SMG6: variants seen among roughly 807,000 people sequenced by gnomAD.
SMG6 encodes telomerase-binding protein EST1A.
SMG6 carries 66 observed loss-of-function variants against 142.2 expected under a neutral mutation model. The observed-to-expected ratio is 0.46, with a 90% CI of 0.38 to 0.57. The LOEUF is 0.57. Ranked by LOEUF, SMG6 falls within the 20% of genes least tolerant of loss-of-function variation. SMG6 has a pLI of 0.00. For missense variants in SMG6, 1,793 were observed against 1,832.0 expected, an observed-to-expected ratio of 0.98 and a Z score of 0.39; for synonymous variants, 779 against 702.4, an observed-to-expected ratio of 1.11 and a Z score of -1.72.
intron 13 of SMG6, among the ~76,000 whole-genome samples, chr17:2,131,668 C>CA (rs1303049486): frequency 1.3e-5 from 2 of 152,046 alleles, no homozygotes; most frequent in African/African-American, 2.4e-5. Flanking sequence ...AATTTTTATG[C>CA]AAAGAAAATG....
intron 13 of SMG6, among the ~76,000 whole-genome samples, chr17:2,150,093 G>A (rs2070780961): frequency 6.6e-6 from 1 of 152,214 alleles, no homozygotes; most frequent in Non-Finnish European, 1.5e-5. Context: ...GGGCCGCACA[G>A]CAGGAAGAGA....
At chr17:2,238,389 G>A (rs528636259) in intron 9 of SMG6, among the ~76,000 whole-genome samples, 2 of 151,566 alleles carry the variant, frequency 1.3e-5, no homozygotes, top group East Asian at 1.9e-4. Flanking sequence ...TTTCAGAGCC[G>A]TTAAAACTCT....
intron 4 of SMG6, among the ~76,000 whole-genome samples, chr17:2,295,736 T>C (rs1268506198): frequency 2.0e-5 from 3 of 152,146 alleles, no homozygotes; most frequent in Non-Finnish European, 4.4e-5. Flanking sequence ...CCCAGCTTTC[T>C]CCTGACCTCC....
chr17:2,257,322 G>C (rs2074207244), intron 8 of SMG6, among the ~76,000 whole-genome samples: 1 of 152,044 alleles, frequency 6.6e-6, no homozygotes, highest in Non-Finnish European at 1.5e-5. Flanking sequence ...TTGAGCTCGT[G>C]ATCTGCCCAC....
At chr17:2,183,728 C>A (rs2071876552) in intron 12 of SMG6, among the ~76,000 whole-genome samples, 1 of 149,464 alleles carries the variant, frequency 6.7e-6, no homozygotes, top group South Asian at 2.1e-4. Flanking sequence ...ATGCTGATCC[C>A]TGATACAGGT....
At chr17:2,126,929 TGCACACATGC>T (rs755044130) in intron 13 of SMG6, among the ~76,000 whole-genome samples, 31 of 148,364 alleles carry the variant, frequency 2.1e-4, no homozygotes, top group East Asian at 4.0e-4. Context: ...CAAACATACA[TGCACACATGC>T]GCACACATGC....
chr17:2,297,103 G>T, intron 4 of SMG6, 140 bp downstream of exon 4: 1 of 519,416 alleles, frequency 1.9e-6, no homozygotes, highest in Non-Finnish European at 3.4e-6. Flanking sequence ...ACAATTGTTG[G>T]TTTAATCTAT....
intron 10 of SMG6, among the ~76,000 whole-genome samples, chr17:2,195,351 T>C (rs1023422158): frequency 6.6e-6 from 1 of 152,196 alleles, no homozygotes; most frequent in African/African-American, 2.4e-5. Flanking sequence ...GCCACCTCAA[T>C]GGACAGGGTA....
intron 13 of SMG6, among the ~76,000 whole-genome samples, chr17:2,158,213 C>G (rs1258485820): frequency 1.3e-5 from 2 of 152,178 alleles, no homozygotes; most frequent in African/African-American, 4.8e-5. Context: ...ATTGCTCAAC[C>G]TACACTCATT....
intron 10 of SMG6, chr17:2,233,214 T>C (rs2073549860): frequency 6.6e-6 from 1 of 152,258 alleles, no homozygotes; most frequent in Non-Finnish European, 1.5e-5. Context: ...GTAGAGACTG[T>C]GAGGATCTCA....
intron 13 of SMG6, among the ~76,000 whole-genome samples, chr17:2,164,650 C>G (rs2071278810): frequency 6.6e-6 from 1 of 151,732 alleles, no homozygotes; most frequent in South Asian, 2.1e-4. Context: ...AATAAAAAAA[C>G]AACCAGCCGG....
At chr17:2,259,014 G>A (rs953438174) in intron 8 of SMG6, among the ~76,000 whole-genome samples, 1 of 151,986 alleles carries the variant, frequency 6.6e-6, no homozygotes, top group Non-Finnish European at 1.5e-5. Flanking sequence ...GGAAGCGGAA[G>A]TTGCAGTGAG....
intron 10 of SMG6, among the ~76,000 whole-genome samples, chr17:2,197,872 G>A (rs1008816044): frequency 6.6e-6 from 1 of 152,180 alleles, no homozygotes; most frequent in Non-Finnish European, 1.5e-5. Flanking sequence ...TCACATGTAC[G>A]TTGCTGATGG....
chr17:2,209,000 T>C (rs753526688), intron 10 of SMG6, among the ~76,000 whole-genome samples: 1 of 151,954 alleles, frequency 6.6e-6, no homozygotes, highest in South Asian at 2.1e-4. Context: ...GGCAACAAAG[T>C]GAGACTCCAT....
chr17:2,161,637 G>C (rs930238995), intron 13 of SMG6, among the ~76,000 whole-genome samples: 1 of 150,810 alleles, frequency 6.6e-6, no homozygotes, highest in Non-Finnish European at 1.5e-5. Flanking sequence ...TTTTGCCCTT[G>C]AACACACCTC....
In SMG6 at chr17:2,299,696, T is replaced by A; in HGVS notation, c.1057A>T (p.Thr353Ser). ...AKEYRGTLRV[T>S]FDAEAMNKES... ...TTGTTCATGGCTTCTGCATCGAAAG[T>A]GACACGAAGAGTGCCTCGATATTCT... Residue 353 changes from threonine to serine, a missense_variant, in exon 2 of 19, where the codon ACT becomes TCT. By Grantham distance (58) the Thr-to-Ser change is moderately conservative. Around this residue, in one of 3 missense-constraint regions of SMG6, gnomAD observed 1,597 missense variants for 1,584.6 expected, o/e 1.01. Transcript: ENST00000263073. The surrounding 1 kb of genome is among the most constrained non-coding windows in gnomAD (Gnocchi z 4.3). 9 of 1,614,162 alleles carry A rather than the reference T, an allele frequency of 5.6e-6. No individual in the cohort carries two copies. Among genetic ancestry groups the A allele is most frequent in the Non-Finnish European group, 7.6e-6 (9 of 1,180,026 alleles).
intron 13 of SMG6, among the ~76,000 whole-genome samples, chr17:2,149,571 T>C (rs1248650857): frequency 1.3e-5 from 2 of 152,236 alleles, no homozygotes; most frequent in Admixed American, 6.5e-5. Flanking sequence ...AACGAAGGGC[T>C]GTCCCGTGAC....
At chr17:2,106,635 C>T (rs1014340492) in intron 13 of SMG6, among the ~76,000 whole-genome samples, 10 of 152,044 alleles carry the variant, frequency 6.6e-5, no homozygotes, top group Non-Finnish European at 1.5e-4. Context: ...CAGACCCAGC[C>T]GATTATGAGA....
chr17:2,079,720 A>C (rs2068359436), intron 15 of SMG6, among the ~76,000 whole-genome samples: 1 of 152,208 alleles, frequency 6.6e-6, no homozygotes, highest in South Asian at 2.1e-4. Flanking sequence ...ATGACAATGG[A>C]TGATGCTGGT....
Sources: allele counts gnomAD v4.1 joint callset (sites outside exome capture counted in the v4.1 genomes callset), GRCh38; gene constraint gnomAD v4.1.1; regional missense constraint gnomAD v4.1.1; non-coding constraint Gnocchi (gnomAD v3.1); transcripts MANE v1.5; gene names NCBI Gene and HGNC (gene_info 2026-07-23, HGNC 2026-07-21).